Variants in DOT1L observed in about 807,000 individuals in gnomAD.
The protein encoded by DOT1L is DOT1 like histone lysine methyltransferase, also known as histone-lysine N-methyltransferase, H3 lysine-79 specific.
In DOT1L, 33 loss-of-function variants were observed where a neutral mutation model predicts 153.3. The observed-to-expected ratio is 0.22, with a 90% CI of 0.16 to 0.29. The LOEUF is 0.29. DOT1L is among the 10% of genes least tolerant of loss of function. The probability of loss-of-function intolerance (pLI) is 1.00; values close to 1 mark genes in which losing one functional copy is unlikely to be tolerated. For synonymous variants in DOT1L, 1,135 were observed against 965.1 expected (o/e 1.18, Z -3.26); for missense variants, 1,847 against 2,119.9 (o/e 0.87, Z 2.53).
At chr19:2,227,688 C>T in intron 27 of DOT1L, 5 of 1,294,542 alleles carry the variant, frequency 3.9e-6, no homozygotes, top group Non-Finnish European at 5.1e-6. Context: ...TCTGCGCTTG[C>T]CTGGATGCTG....
Position 2,208,529 on chromosome 19 carries a change from G to A in DOT1L, c.964-406G>A, listed in dbSNP as rs1264677426. Reference sequence around the variant, plus strand: ...GCTCTGGGGGCTTGGCCTACCGTGCGGCCCCCACCTCCACGCAGTGCTGCT... The same window carrying A: ...GCTCTGGGGGCTTGGCCTACCGTGCAGCCCCCACCTCCACGCAGTGCTGCT... On this transcript the variant is annotated intron_variant, in intron 11 of 27. Transcript: ENST00000398665. The surrounding 1 kb of genome is among the most constrained non-coding windows in gnomAD (Gnocchi z 4.4). Among the ~76,000 whole-genome samples the A allele has an allele frequency of 6.6e-6, 1 of 152,156 alleles. No homozygotes were observed. Among genetic ancestry groups the A allele is most frequent in the East Asian group, 1.9e-4 (1 of 5,196 alleles).
chr19:2,223,462 C>G lies in DOT1L; in HGVS notation c.3572C>G (p.Ser1191Cys). 1 of 1,611,950 alleles carries G rather than the reference C, an allele frequency of 6.2e-7. No individual in the cohort carries two copies. ...CTCACCTCAGACGAGGAGCCAGGCT[C>G]TGAGGACGAGCCCAGCAGTGCTCGG... is the stretch of plus-strand genomic sequence containing the variant. ...SPLTSDEEPGSEDEPSSARIE... is the reference protein window; with the variant it reads ...SPLTSDEEPGCEDEPSSARIE... Residue 1191 changes from serine (S) to cysteine (C), a missense_variant, in exon 25 of 28, where the codon TCT (serine) becomes TGT (cysteine). Around this residue, in one of 8 missense-constraint regions of DOT1L, gnomAD observed 934 missense variants for 825.3 expected, o/e 1.13. Transcript: ENST00000398665.
chr19:2,197,168 C>T lies in DOT1L; in HGVS notation c.651+2591C>T, dbSNP rs909299075. ...TCTCTGGGTGGCGCTCCCTCGGCTT[C>T]TGTTCTGCTGTCTTTGACCAGGACT... is the stretch of plus-strand genomic sequence containing the variant. On this transcript the variant is annotated intron_variant, in intron 7 of 27. Transcript: ENST00000398665. This position sits in a 1 kb window ranked among gnomAD's most constrained non-coding sequence, Gnocchi z 4.1. 2.0e-5 allele frequency among the ~76,000 whole-genome samples: 3 copies of T among 152,204 alleles called. No homozygotes were observed. Among genetic ancestry groups the T allele is most frequent in the African/African-American group, 7.2e-5 (3 of 41,444 alleles).
At chr19:2,223,200 GC>G in intron 24 of DOT1L, 80 bp from the exon 25 acceptor site, 2 of 1,507,890 alleles carry the variant, frequency 1.3e-6, no homozygotes, top group Non-Finnish European at 1.8e-6. Flanking sequence ...GCAGACAGGA[GC>G]CTCCTGGGGC....
At chr19:2,228,129 CCTG>C (rs1314619789) in intron 27 of DOT1L, 3 of 1,363,850 alleles carry the variant, frequency 2.2e-6, no homozygotes, top group Admixed American at 1.9e-5. Context: ...CTCTCTGCCG[CCTG>C]CTAACGCCTC....
intron 3 of DOT1L, among the ~76,000 whole-genome samples, chr19:2,189,168 T>G (rs1028513230): frequency 6.6e-6 from 1 of 152,164 alleles, no homozygotes; most frequent in African/African-American, 2.4e-5. Flanking sequence ...ACTGCTGACG[T>G]GTGAATGAGT....
rs953353431 is a variant in DOT1L at position 2,207,543 on chromosome 19, C to T, written c.857-31C>T. 3.8e-6 allele frequency: 6 copies of T among 1,588,290 alleles called. No individual in the cohort carries two copies. Among genetic ancestry groups the T allele is most frequent in the Non-Finnish European group, 5.1e-6 (6 of 1,168,556 alleles). On this transcript the variant is annotated intron_variant, in intron 10 of 27. Coordinates refer to ENST00000398665, the MANE Select transcript of DOT1L (RefSeq NM_032482.3). This position sits in a 1 kb window ranked among gnomAD's most constrained non-coding sequence, Gnocchi z 4.5. ...TGCATGGAGGGGCTGTGGGCAGGCGCAGGCCCCGGCCTCACCTGTGGCTCC... is the reference window on the plus strand; with the variant it reads ...TGCATGGAGGGGCTGTGGGCAGGCGTAGGCCCCGGCCTCACCTGTGGCTCC...
At chr19:2,200,070 C>A in intron 8 of DOT1L, 131 bp downstream of exon 8, 1 of 1,213,608 alleles carries the variant, frequency 8.2e-7, no homozygotes, top group Non-Finnish European at 1.1e-6. Flanking sequence ...CCGGTGGGGA[C>A]AGGAAGGGCG....
intron 19 of DOT1L, chr19:2,215,962 A>G: frequency 3.7e-6 from 1 of 267,160 alleles, no homozygotes; most frequent in Non-Finnish European, 7.0e-6. Flanking sequence ...GTCCCTCCAC[A>G]GGTTTTACAC....
At chr19:2,213,755 T>C in intron 17 of DOT1L, 94 bp from the exon 18 acceptor site, 1 of 1,602,074 alleles carries the variant, frequency 6.2e-7, no homozygotes, top group Middle Eastern at 1.7e-4. Flanking sequence ...TCCAGCTGTG[T>C]CCCAGGGGCT....
Position 2,192,672 on chromosome 19 carries a change from C to CAA in DOT1L, c.494-998_494-997dup, listed in dbSNP as rs71176526. ...TGGGTGACAGAGTGAGACTCCGTCT[C>CAA]AAAAAAAAAAAAAAAAAAAATGGGG... On this transcript the variant is annotated intron_variant, in intron 5 of 27. Coordinates refer to ENST00000398665, the MANE Select transcript of DOT1L (RefSeq NM_032482.3). Among the ~76,000 whole-genome samples, 730 of 95,064 alleles carry CAA rather than the reference C, an allele frequency of 7.7e-3. 7 individuals are homozygous for CAA. Among genetic ancestry groups the CAA allele is most frequent in the African/African-American group, 0.026 (642 of 24,344 alleles). 62.4% of individuals were successfully genotyped at this position (95,064 alleles called of 152,430 possible). A position where few individuals can be genotyped will look rare whatever the true frequency, so the allele number is the denominator to read the frequency against.
Position 2,196,586 on chromosome 19 carries a change from C to T in DOT1L, c.651+2009C>T, listed in dbSNP as rs141974673. Among the ~76,000 whole-genome samples, 30 of 152,326 alleles carry T rather than the reference C, an allele frequency of 2.0e-4. No homozygotes were observed. In the East Asian group the frequency reaches 3.9e-3, roughly 20 times the overall value. On this transcript the variant is annotated intron_variant, in intron 7 of 27. Transcript: ENST00000398665. ...GACCTCGTGATCCGCCTGCCTCTGC[C>T]TCCCAAAGTGCTGGGATGACAGGTG... is the stretch of plus-strand genomic sequence containing the variant.
chr19:2,183,896 A>T lies in DOT1L; in HGVS notation c.126-1959A>T, dbSNP rs532339240. On this transcript the variant is annotated intron_variant, in intron 2 of 27. Coordinates refer to ENST00000398665, the MANE Select transcript of DOT1L (RefSeq NM_032482.3). The stretch of plus-strand genomic sequence containing the variant: ...TGCCTCGGCCTCCCAAAGCACTGGG[A>T]TTATAGGCATGAGCCACCACGCCCG... Among the ~76,000 whole-genome samples the T allele has an allele frequency of 9.2e-5, 14 of 151,920 alleles. No homozygotes were observed. The East Asian group carries it at 9.7e-4, about 11-fold the overall frequency.
chr19:2,196,070 G>T (rs777064030), intron 7 of DOT1L, among the ~76,000 whole-genome samples: 1 of 152,242 alleles, frequency 6.6e-6, no homozygotes, highest in East Asian at 1.9e-4. Flanking sequence ...TCCTCGGATC[G>T]CCGTGAGGCC....
intron 1 of DOT1L, among the ~76,000 whole-genome samples, chr19:2,165,317 G>A (rs2019869771): frequency 2.0e-5 from 3 of 152,080 alleles, no homozygotes; most frequent in African/African-American, 7.2e-5. Flanking sequence ...TTTTGGAAAC[G>A]TGCTCGCTGG....
chr19:2,175,007 T>G (rs1179105180), intron 1 of DOT1L, among the ~76,000 whole-genome samples: 3 of 78,986 alleles, frequency 3.8e-5, no homozygotes, highest in Non-Finnish European at 7.8e-5. Context: ...TATATATATT[T>G]TTTTTTTTTT....
chr19:2,175,691 G>A (rs141196543), intron 1 of DOT1L, among the ~76,000 whole-genome samples: 5 of 152,198 alleles, frequency 3.3e-5, no homozygotes, highest in East Asian at 1.9e-4. Flanking sequence ...TTAGCCAGGC[G>A]TGGTGGCTGA....
At chr19:2,203,991 A>G (rs1037724600) in intron 9 of DOT1L, among the ~76,000 whole-genome samples, 1 of 152,232 alleles carries the variant, frequency 6.6e-6, no homozygotes, top group African/African-American at 2.4e-5. Flanking sequence ...CTAGGGGAGA[A>G]CTGCGGTGGG....
intron 2 of DOT1L, 37 bp downstream of exon 2, chr19:2,180,793 C>T (rs763237357): frequency 1.9e-6 from 3 of 1,612,356 alleles, no homozygotes; most frequent in Non-Finnish European, 2.5e-6. Flanking sequence ...TCTTCACAGC[C>T]CTGAGCCACT....
Sources: gnomAD v4.1 joint callset for allele counts (sites outside exome capture counted in the v4.1 genomes callset) on GRCh38, gnomAD v4.1.1 for gene constraint, gnomAD v4.1.1 regional missense constraint, Gnocchi (gnomAD v3.1) non-coding constraint, MANE v1.5 for transcripts, NCBI Gene and HGNC (gene_info 2026-07-23, HGNC 2026-07-21) for gene names.